MAML3: variants seen among roughly 807,000 people sequenced by gnomAD.
MAML3 encodes the protein mastermind-like protein 3.
In MAML3, 27 loss-of-function variants were observed where a neutral mutation model predicts 101.9. That is an observed-to-expected ratio of 0.27 (90% CI 0.20 to 0.37). The LOEUF is 0.37. Among genes scored for constraint, MAML3 ranks in the 10% least tolerant of loss-of-function variants. The pLI, the probability that MAML3 is intolerant of heterozygous loss-of-function variation, is 1.00. For synonymous variants in MAML3, 501 were observed against 555.9 expected (o/e 0.90, Z 1.39); for missense variants, 1,316 against 1,444.9 (o/e 0.91, Z 1.45).
chr4:140,097,759 C>CTCCAAGCTCACG (rs771361409), intron 1 of MAML3, among the ~76,000 whole-genome samples: 11 of 152,350 alleles, frequency 7.2e-5, no homozygotes, highest in Non-Finnish European at 1.5e-4. Context: ...ACAACCTCAT[C>CTCCAAGCTCACG]TCCAAGCTCA....
At chr4:139,827,295 A>G (rs1731077581) in intron 2 of MAML3, among the ~76,000 whole-genome samples, 1 of 152,238 alleles carries the variant, frequency 6.6e-6, no homozygotes, top group African/African-American at 2.4e-5. Flanking sequence ...TAGCTGCTCT[A>G]TGATGTGTAA....
chr4:139,760,161 C>A (rs563036413), intron 2 of MAML3, among the ~76,000 whole-genome samples: 1 of 152,184 alleles, frequency 6.6e-6, no homozygotes, highest in Non-Finnish European at 1.5e-5. Flanking sequence ...AGTTCTCTAA[C>A]GGGGAGTGAT....
intron 1 of MAML3, among the ~76,000 whole-genome samples, chr4:140,082,985 T>C (rs1452167902): frequency 6.6e-6 from 1 of 152,216 alleles, no homozygotes; most frequent in Non-Finnish European, 1.5e-5. Context: ...GTGCTATTAC[T>C]ACTTTTTGAA....
chr4:140,038,783 G>A (rs1727030445), intron 1 of MAML3, among the ~76,000 whole-genome samples: 1 of 152,178 alleles, frequency 6.6e-6, no homozygotes, highest in South Asian at 2.1e-4. Flanking sequence ...TCATGAAGGT[G>A]CTTGTGAAAT....
At chr4:139,884,154 G>A (rs762810863) in intron 2 of MAML3, among the ~76,000 whole-genome samples, 8 of 152,132 alleles carry the variant, frequency 5.3e-5, no homozygotes, top group Non-Finnish European at 8.8e-5. Flanking sequence ...AAAGTGCTGG[G>A]ATTACAGGCG....
intron 1 of MAML3, among the ~76,000 whole-genome samples, chr4:139,969,466 A>G (rs1224000778): frequency 1.3e-5 from 2 of 152,116 alleles, no homozygotes; most frequent in South Asian, 2.1e-4. Flanking sequence ...TTCTTTCAGC[A>G]CATTCTTTTG....
intron 2 of MAML3, among the ~76,000 whole-genome samples, chr4:139,786,021 C>T (rs551340297): frequency 6.6e-6 from 1 of 151,924 alleles, no homozygotes; most frequent in Non-Finnish European, 1.5e-5. Context: ...GAGACAGGGC[C>T]TTTAAAGAGG....
chr4:139,851,222 G>A (rs1015608500), intron 2 of MAML3, among the ~76,000 whole-genome samples: 1 of 152,220 alleles, frequency 6.6e-6, no homozygotes, highest in African/African-American at 2.4e-5. Context: ...TAAATATACA[G>A]CATGACAGTA....
chr4:139,940,018 C>CACAGCA (rs1733572075), intron 1 of MAML3, among the ~76,000 whole-genome samples: 1 of 152,232 alleles, frequency 6.6e-6, no homozygotes, highest in Admixed American at 6.5e-5. Context: ...TCCACCTCGG[C>CACAGCA]CTCCCAAAGT....
intron 2 of MAML3, among the ~76,000 whole-genome samples, chr4:139,888,987 C>G (rs1195023475): frequency 6.6e-6 from 1 of 152,162 alleles, no homozygotes; most frequent in Non-Finnish European, 1.5e-5. Context: ...TGCTTCCCAC[C>G]ACCCAGAGCC....
chr4:139,821,708 C>T (rs762350388), intron 2 of MAML3, among the ~76,000 whole-genome samples: 2 of 152,224 alleles, frequency 1.3e-5, no homozygotes, highest in Non-Finnish European at 1.5e-5. Flanking sequence ...CTTCCAAGTT[C>T]AAAATCTGAC....
chr4:139,779,869 G>A (rs756932020), intron 2 of MAML3, among the ~76,000 whole-genome samples: 5 of 152,180 alleles, frequency 3.3e-5, no homozygotes, highest in South Asian at 2.1e-4. Context: ...AGGGGAGGCC[G>A]ACAGGGAAAG....
At chr4:140,116,751 A>G (rs1394603694) in intron 1 of MAML3, among the ~76,000 whole-genome samples, 1 of 152,226 alleles carries the variant, frequency 6.6e-6, no homozygotes, top group Non-Finnish European at 1.5e-5. Flanking sequence ...AAAGCTAAAC[A>G]CAGTCAACCC....
chr4:139,962,230 C>G (rs1289414952), intron 1 of MAML3, among the ~76,000 whole-genome samples: 6 of 152,060 alleles, frequency 3.9e-5, no homozygotes, highest in African/African-American at 1.4e-4. Flanking sequence ...ATCAACTCAT[C>G]ATATCAGTGG....
intron 1 of MAML3, among the ~76,000 whole-genome samples, chr4:140,039,068 G>A (rs1417310367): frequency 2.0e-5 from 3 of 152,024 alleles, no homozygotes; most frequent in African/African-American, 7.2e-5. Context: ...GCAGTGAGTC[G>A]AGATCGATCG....
intron 1 of MAML3, among the ~76,000 whole-genome samples, chr4:140,109,474 C>T (rs1316519384): frequency 6.6e-6 from 1 of 152,188 alleles, no homozygotes; most frequent in African/African-American, 2.4e-5. Context: ...TCCTTGCCTC[C>T]TCTGAAGCTA....
intron 1 of MAML3, among the ~76,000 whole-genome samples, chr4:140,098,281 G>A (rs1728194273): frequency 1.3e-5 from 2 of 152,178 alleles, no homozygotes; most frequent in African/African-American, 4.8e-5. Context: ...CATACAATGC[G>A]CACGTCCTTG....
At chr4:139,780,028 C>T (rs1292327373) in intron 2 of MAML3, among the ~76,000 whole-genome samples, 1 of 152,258 alleles carries the variant, frequency 6.6e-6, no homozygotes, top group Non-Finnish European at 1.5e-5. Flanking sequence ...CCATTCCTGA[C>T]TTCCAGTTCC....
chr4:140,069,868 C>T (rs924159551), intron 1 of MAML3, among the ~76,000 whole-genome samples: 7 of 151,734 alleles, frequency 4.6e-5, no homozygotes. Flanking sequence ...GTAATCCCAG[C>T]GCTTTGGGAG....
Sources: allele counts gnomAD v4.1 joint callset (sites outside exome capture counted in the v4.1 genomes callset), GRCh38; gene constraint gnomAD v4.1.1; transcripts MANE v1.5; gene names NCBI Gene and HGNC (gene_info 2026-07-23, HGNC 2026-07-21).